Variants in TK2 observed in about 807,000 individuals in gnomAD.
TK2 encodes thymidine kinase 2, mitochondrial.
A neutral mutation model predicts 41.9 loss-of-function variants in TK2; 35 were observed. The observed-to-expected ratio is 0.84, with a 90% confidence interval of 0.64 to 1.11. The LOEUF (loss-of-function observed/expected upper bound fraction) is 1.11. TK2 is among the 50% of genes least tolerant of loss of function. TK2 has a pLI of 0.00. For missense variants in TK2, 320 were observed against 351.1 expected, an observed-to-expected ratio of 0.91 and a Z score of 0.71; for synonymous variants, 128 against 129.1, an observed-to-expected ratio of 0.99 and a Z score of 0.06.
chr16:66,545,163 G>A (rs748225601), intron 2 of TK2, among the ~76,000 whole-genome samples: 21 of 151,494 alleles, frequency 1.4e-4, no homozygotes, highest in Non-Finnish European at 2.9e-4. Context: ...ATATGTATAT[G>A]TTTATGAATA....
At chr16:66,534,007 C>CAAAAA (rs11383723) in intron 4 of TK2, among the ~76,000 whole-genome samples, 6 of 97,282 alleles carry the variant, frequency 6.2e-5, no homozygotes, top group African/African-American at 8.7e-5. Flanking sequence ...GACTCTGTCT[C>CAAAAA]AAAAAAAAAA....
chr16:66,519,097 G>C (rs1964703262), intron 6 of TK2, among the ~76,000 whole-genome samples: 1 of 151,876 alleles, frequency 6.6e-6, no homozygotes, highest in Non-Finnish European at 1.5e-5. Flanking sequence ...GAGTAGCTGG[G>C]ACTACAGGCA....
In TK2 at chr16:66,517,016, TG is replaced by T; in HGVS notation, c.618+119del. On this transcript the variant is annotated intron_variant, in intron 8 of 9. Coordinates refer to ENST00000544898, the MANE Select transcript of TK2 (RefSeq NM_004614.5). This position sits in a 1 kb window ranked among gnomAD's most constrained non-coding sequence, Gnocchi z 4.3. ...TTCACCCTCTGATACACTTGGTTCC[TG>T]TTCTCTCTCTGCAAACAAGGGCACA... is the stretch of plus-strand genomic sequence containing the variant. 1.1e-6 allele frequency: 1 copy of T among 907,748 alleles called. No homozygotes were observed. The highest frequency in any genetic ancestry group is 1.9e-6 in the Non-Finnish European group (1 of 540,302). 56.2% of individuals were successfully genotyped at this position (907,748 alleles called of 1,614,324 possible). A position where few individuals can be genotyped will look rare whatever the true frequency, so the allele number is the denominator to read the frequency against.
At chr16:66,518,349 A>G (rs773888242) in intron 6 of TK2, among the ~76,000 whole-genome samples, 4 of 152,130 alleles carry the variant, frequency 2.6e-5, no homozygotes, top group Admixed American at 6.5e-5. Flanking sequence ...CAACATGGAA[A>G]GACCCCCATC....
At chr16:66,527,378 T>C (rs962777462) in intron 6 of TK2, among the ~76,000 whole-genome samples, 1 of 152,156 alleles carries the variant, frequency 6.6e-6, no homozygotes, top group Non-Finnish European at 1.5e-5. Context: ...TCAGGGCTCC[T>C]AGGAGAAGCC....
chr16:66,549,746 C>A, intron 1 of TK2, 192 bp downstream of exon 1: 3 of 1,277,926 alleles, frequency 2.3e-6, no homozygotes, highest in Non-Finnish European at 2.9e-6. Flanking sequence ...CAAAGCCGAG[C>A]GCCCCCAGCG....
At chr16:66,513,583 G>T in intron 9 of TK2, 148 bp downstream of exon 9, 1 of 757,412 alleles carries the variant, frequency 1.3e-6, no homozygotes, top group Middle Eastern at 3.6e-4. Context: ...GGCACTGGGA[G>T]AGAGAGCACC....
chr16:66,540,173 CTTTTTTT>C (rs200305417), intron 3 of TK2, among the ~76,000 whole-genome samples: 7 of 130,782 alleles, frequency 5.4e-5, no homozygotes, highest in Non-Finnish European at 9.6e-5. Context: ...TTTCTTTTTT[CTTTTTTT>C]TTTTTTTTTT....
intron 8 of TK2, among the ~76,000 whole-genome samples, chr16:66,516,705 G>A (rs777997350): frequency 5.9e-5 from 9 of 152,280 alleles, no homozygotes; most frequent in South Asian, 4.1e-4. Context: ...CACCGCCTCC[G>A]TGCCGGGCAC....
At chr16:66,546,497 C>A (rs777862531) in intron 2 of TK2, 1 of 152,094 alleles carries the variant, frequency 6.6e-6, no homozygotes, top group Non-Finnish European at 1.5e-5. Context: ...CCACATCTAT[C>A]TCTTAACTAG....
In TK2 at chr16:66,508,469, C is replaced by T. The variant is rs1268788686; in HGVS notation, c.*3499G>A. 6.6e-6 allele frequency: 1 copy of T among 152,266 alleles called. No homozygotes were observed. The highest frequency in any genetic ancestry group is 1.5e-5 in the Non-Finnish European group (1 of 68,074). 9.4% of individuals were successfully genotyped at this position (152,266 alleles called of 1,614,324 possible). A position where few individuals can be genotyped will look rare whatever the true frequency, so the allele number is the denominator to read the frequency against. On this transcript the variant is annotated 3_prime_UTR_variant, in exon 10 of 10. Transcript: ENST00000544898. ...AATGGATGACTGACATTTGCAAGAGCTTGCCAATTATTTTAATAACTAACT... is the reference window on the plus strand; with the variant it reads ...AATGGATGACTGACATTTGCAAGAGTTTGCCAATTATTTTAATAACTAACT...
intron 6 of TK2, among the ~76,000 whole-genome samples, chr16:66,525,442 C>G (rs753505823): frequency 2.1e-4 from 32 of 152,146 alleles, no homozygotes; most frequent in Non-Finnish European, 3.5e-4. Context: ...TAGGAGACTC[C>G]AAGAAACTTC....
At chr16:66,540,646 G>A (rs1965431809) in intron 3 of TK2, among the ~76,000 whole-genome samples, 1 of 152,174 alleles carries the variant, frequency 6.6e-6, no homozygotes, top group African/African-American at 2.4e-5. Flanking sequence ...TTAGTGTAGA[G>A]ATGATTCTTA....
Position 66,511,847 on chromosome 16 carries a change from A to G in TK2, c.*121T>C. 1.2e-6 allele frequency: 1 copy of G among 814,186 alleles called. No individual in the cohort carries two copies. The highest frequency in any genetic ancestry group is 2.1e-6 in the Non-Finnish European group (1 of 474,478). The allele number at this position is 814,186 out of a possible 1,614,324, so 50.4% of individuals were successfully genotyped here. A position where few individuals can be genotyped will look rare whatever the true frequency, so the allele number is the denominator to read the frequency against. On this transcript the variant is annotated 3_prime_UTR_variant, in exon 10 of 10. Transcript: ENST00000544898. ...CACTAGCAAAGGAGATGAGACCATTAGGAAAATCAAGCTGGCCAGACACAA... is the reference window on the plus strand; with the variant it reads ...CACTAGCAAAGGAGATGAGACCATTGGGAAAATCAAGCTGGCCAGACACAA...
chr16:66,547,862 T>C (rs544203415), intron 2 of TK2: 375 of 1,225,526 alleles, frequency 3.1e-4, no homozygotes, highest in Middle Eastern at 1.8e-3. Context: ...GAACTAGCTA[T>C]TGTGTGTCTG....
At chr16:66,533,335 C>CA (rs57612451) in intron 4 of TK2, among the ~76,000 whole-genome samples, 4,643 of 43,228 alleles carry the variant, frequency 0.11, 271 homozygotes, top group East Asian at 0.19. Flanking sequence ...GACTCCATCT[C>CA]AAAAAAAAAA....
intron 2 of TK2, 88 bp downstream of exon 2, chr16:66,548,890 T>C (rs577021980): frequency 7.7e-7 from 1 of 1,296,986 alleles, no homozygotes; most frequent in African/African-American, 1.5e-5. Flanking sequence ...TACTATGGAA[T>C]GTATTTTTGC....
intron 4 of TK2, among the ~76,000 whole-genome samples, chr16:66,532,485 G>A (rs117862029): frequency 0.069 from 10,402 of 151,854 alleles, 509 homozygotes; most frequent in South Asian, 0.17. Context: ...CGCACCTGTG[G>A]TCCTAGCTAC....
Position 66,531,480 on chromosome 16 carries a change from G to A in TK2, c.286-11C>T. 1 of 1,613,832 alleles carries A rather than the reference G, an allele frequency of 6.2e-7. No individual in the cohort carries two copies. ...GTGGTACATCAGGCCCTGCAGAAGG[G>A]AAAACACAGCACTTTCCATCAAAGT... On this transcript the variant is annotated splice_polypyrimidine_tract_variant and intron_variant, in intron 4 of 9. Transcript: ENST00000544898.
Sources: allele counts gnomAD v4.1 joint callset (sites outside exome capture counted in the v4.1 genomes callset), GRCh38; gene constraint gnomAD v4.1.1; non-coding constraint Gnocchi (gnomAD v3.1); transcripts MANE v1.5; gene names NCBI Gene and HGNC (gene_info 2026-07-23, HGNC 2026-07-21).